GPC6: variants seen among roughly 807,000 people sequenced by gnomAD.
The protein encoded by GPC6 is glypican-6.
A neutral mutation model predicts 55.2 loss-of-function variants in GPC6; 14 were observed. That is an observed-to-expected ratio of 0.25 (90% CI 0.17 to 0.40). GPC6 has a LOEUF of 0.40. Ranked by LOEUF, GPC6 falls within the 10% of genes least tolerant of loss-of-function variation. GPC6 has a pLI of 1.00. For missense variants in GPC6, 641 were observed against 708.5 expected (o/e 0.90, Z 1.08); for synonymous variants, 278 against 259.6 (o/e 1.07, Z -0.68).
At chr13:93,461,120 T>A (rs149629464) in intron 1 of GPC6, among the ~76,000 whole-genome samples, 159 of 152,230 alleles carry the variant, frequency 1.0e-3, no homozygotes, top group Middle Eastern at 3.4e-3. Flanking sequence ...TTGTTGTTGT[T>A]CTCCAATTTT....
intron 1 of GPC6, among the ~76,000 whole-genome samples, chr13:93,413,581 T>G (rs1318061570): frequency 1.3e-5 from 2 of 150,488 alleles, no homozygotes; most frequent in African/African-American, 2.4e-5. Context: ...CCGGAAGAGA[T>G]GAGTATAAAG....
rs768679544 is a variant in GPC6 at position 93,227,595 on chromosome 13, A to T, written c.139A>T (p.Ile47Phe). The T allele has an allele frequency of 6.2e-7, 1 of 1,607,948 alleles. No homozygotes were observed. Among genetic ancestry groups the T allele is most frequent in the South Asian group, 1.1e-5 (1 of 90,976 alleles). Reference sequence around the variant, plus strand: ...TGCCAAGGGATTCAGCCTGGCGGACATCCCCTACCAGGAGATCGCAGGTAA... The same window carrying T: ...TGCCAAGGGATTCAGCCTGGCGGACTTCCCCTACCAGGAGATCGCAGGTAA... ...YGAKGFSLAD[I>F]PYQEIAGEHL... Residue 47 changes from isoleucine to phenylalanine, a missense_variant, in exon 1 of 9, where the codon ATC becomes TTC. Ile to Phe is a conservative substitution (Grantham distance 21, BLOSUM62 0). Coordinates refer to ENST00000377047, the MANE Select transcript of GPC6 (RefSeq NM_005708.5). The surrounding 1 kb of genome is among the most constrained non-coding windows in gnomAD (Gnocchi z 4.3).
chr13:93,830,206 TG>T lies in GPC6; in HGVS notation c.373del (p.Val125TyrfsTer22). 6.2e-7 allele frequency: 1 copy of T among 1,608,014 alleles called. No individual in the cohort carries two copies. The highest frequency in any genetic ancestry group is 8.5e-7 in the Non-Finnish European group (1 of 1,176,308). Reference protein sequence around the residue: ...NAEKSLNDMFVRTYGMLYMQN... With the variant: ...NAEKSLNDMFXRTYGMLYMQN... ...CAGAAAAGTCACTAAATGATATGTT[TG>T]TACGGACCTATGGCATGCTGTACAT... On this transcript the variant is annotated frameshift_variant, in exon 3 of 9. Transcript: ENST00000377047. LOFTEE classifies it high-confidence loss of function.
chr13:93,230,789 A>C (rs900935280), intron 1 of GPC6, among the ~76,000 whole-genome samples: 2 of 152,064 alleles, frequency 1.3e-5, no homozygotes, highest in Non-Finnish European at 2.9e-5. Context: ...TGGTGGCTCT[A>C]AACTTCTAAA....
At chr13:93,246,724 G>A (rs936757913) in intron 1 of GPC6, among the ~76,000 whole-genome samples, 13 of 147,400 alleles carry the variant, frequency 8.8e-5, no homozygotes, top group East Asian at 2.0e-4. Flanking sequence ...CCCCAGAGGC[G>A]GAGCTTGCAG....
At chr13:93,639,542 GA>G (rs570068769) in intron 2 of GPC6, among the ~76,000 whole-genome samples, 5 of 151,888 alleles carry the variant, frequency 3.3e-5, no homozygotes, top group Non-Finnish European at 5.9e-5. Flanking sequence ...AAAGGCTGTT[GA>G]AAAAAAATCC....
At chr13:93,383,488 A>T (rs1160675157) in intron 1 of GPC6, among the ~76,000 whole-genome samples, 1 of 152,172 alleles carries the variant, frequency 6.6e-6, no homozygotes, top group African/African-American at 2.4e-5. Flanking sequence ...AAATGTTGGG[A>T]TTACAGGCGT....
Position 93,603,592 on chromosome 13 carries a change from C to T in GPC6, c.319+58171C>T, listed in dbSNP as rs147721143. On this transcript the variant is annotated intron_variant, in intron 2 of 8. Coordinates refer to ENST00000377047, the MANE Select transcript of GPC6 (RefSeq NM_005708.5). ...TTTCTGAGGTCACACATCAAGGCTC[C>T]AGGGCCTGTGCTCATAAGCATCTCA... 1.6e-3 allele frequency among the ~76,000 whole-genome samples: 245 copies of T among 152,288 alleles called. 1 individual carries two copies. Among genetic ancestry groups the T allele is most frequent in the African/African-American group, 5.7e-3 (237 of 41,564 alleles).
intron 2 of GPC6, among the ~76,000 whole-genome samples, chr13:93,599,026 C>A (rs1382952441): frequency 6.6e-6 from 1 of 152,062 alleles, no homozygotes; most frequent in Non-Finnish European, 1.5e-5. Flanking sequence ...TAGAAATTTT[C>A]AAAAATCTTG....
chr13:94,365,805 A>G (rs534477397), intron 6 of GPC6, among the ~76,000 whole-genome samples: 1 of 152,320 alleles, frequency 6.6e-6, no homozygotes, highest in Non-Finnish European at 1.5e-5. Context: ...GGTGAGCAAA[A>G]GGTGTTTCTT....
At chr13:93,630,286 G>A (rs1463632161) in intron 2 of GPC6, among the ~76,000 whole-genome samples, 1 of 152,198 alleles carries the variant, frequency 6.6e-6, no homozygotes, top group Non-Finnish European at 1.5e-5. Flanking sequence ...TATAGAGGGT[G>A]AGGCAAGCTG....
chr13:93,614,220 CA>C (rs1057059400), intron 2 of GPC6, among the ~76,000 whole-genome samples: 17 of 152,088 alleles, frequency 1.1e-4, no homozygotes, highest in African/African-American at 2.4e-4. Flanking sequence ...TATTACTCCT[CA>C]AAAAAAATTT....
At chr13:94,066,162 G>A (rs1406211968) in intron 4 of GPC6, among the ~76,000 whole-genome samples, 1 of 152,108 alleles carries the variant, frequency 6.6e-6, no homozygotes, top group Non-Finnish European at 1.5e-5. Context: ...AAATACTTCA[G>A]TAAAATCAAG....
chr13:93,795,910 A>G (rs1187677247), intron 2 of GPC6, among the ~76,000 whole-genome samples: 1 of 151,774 alleles, frequency 6.6e-6, no homozygotes, highest in East Asian at 1.9e-4. Flanking sequence ...ATTGATTTTG[A>G]TTTTTCTTAA....
chr13:93,912,938 AC>A (rs1306606596), intron 3 of GPC6, among the ~76,000 whole-genome samples: 1 of 151,902 alleles, frequency 6.6e-6, no homozygotes, highest in Non-Finnish European at 1.5e-5. Flanking sequence ...CTCAGTCCTC[AC>A]AGAACCTTCT....
At chr13:94,173,839 T>G (rs151119827) in intron 4 of GPC6, among the ~76,000 whole-genome samples, 2 of 152,302 alleles carry the variant, frequency 1.3e-5, no homozygotes, top group African/African-American at 4.8e-5. Flanking sequence ...TGTTGCTCTC[T>G]TCTATCTGTA....
intron 8 of GPC6, among the ~76,000 whole-genome samples, chr13:94,401,448 G>A (rs149587636): frequency 6.6e-6 from 1 of 152,288 alleles, no homozygotes; most frequent in East Asian, 1.9e-4. Flanking sequence ...GCCTTGAGAA[G>A]TGGAAATAGG....
chr13:94,344,682 A>G (rs945033502), intron 6 of GPC6, among the ~76,000 whole-genome samples: 1 of 152,176 alleles, frequency 6.6e-6, no homozygotes, highest in African/African-American at 2.4e-5. Flanking sequence ...CCCCGCTAAC[A>G]CCGAGCATTT....
intron 6 of GPC6, among the ~76,000 whole-genome samples, chr13:94,342,812 C>T (rs1030321465): frequency 4.6e-5 from 7 of 152,240 alleles, no homozygotes; most frequent in Admixed American, 6.5e-5. Flanking sequence ...TCCTGTCTCT[C>T]TCGTAAGCCC....
Sources: gnomAD v4.1 joint callset for allele counts (sites outside exome capture counted in the v4.1 genomes callset) on GRCh38, gnomAD v4.1.1 for gene constraint, Gnocchi (gnomAD v3.1) non-coding constraint, MANE v1.5 for transcripts, NCBI Gene and HGNC (gene_info 2026-07-23, HGNC 2026-07-21) for gene names.